TMEM229B: variants seen among roughly 807,000 people sequenced by gnomAD.
TMEM229B encodes transmembrane protein 229B.
A neutral mutation model predicts 13.7 loss-of-function variants in TMEM229B; 6 were observed. The ratio of observed to expected loss-of-function variants is 0.44; its 90% CI spans 0.24 to 0.86. The LOEUF (loss-of-function observed/expected upper bound fraction) is 0.86. Among genes scored for constraint, TMEM229B ranks in the 40% least tolerant of loss-of-function variants. The pLI, the probability that TMEM229B is intolerant of heterozygous loss-of-function variation, is 0.23. For missense variants in TMEM229B, 170 were observed against 236.0 expected (o/e 0.72, Z 1.83); for synonymous variants, 107 against 102.1 (o/e 1.05, Z -0.29).
chr14:67,494,653 C>T (rs548956047), intron 1 of TMEM229B, among the ~76,000 whole-genome samples: 1 of 152,220 alleles, frequency 6.6e-6, no homozygotes, highest in African/African-American at 2.4e-5. Context: ...TCAGCAGGTA[C>T]ATCCCACCCT....
chr14:67,520,114 T>C (rs78615263), upstream of TMEM229B, among the ~76,000 whole-genome samples: 1,207 of 152,300 alleles, frequency 7.9e-3, 20 homozygotes, highest in African/African-American at 0.028. Context: ...CACACATGCA[T>C]AGACTTCCCA....
At chr14:67,533,365 G>T (rs2140293708) in intron 1 of TMEM229B, 1 of 151,698 alleles carries the variant, frequency 6.6e-6, no homozygotes, top group Non-Finnish European at 1.5e-5. Flanking sequence ...CGTGTGCCCA[G>T]TGCGCGGCGG....
intron 1 of TMEM229B, among the ~76,000 whole-genome samples, chr14:67,507,581 T>C (rs551687150): frequency 6.6e-6 from 1 of 152,158 alleles, no homozygotes; most frequent in South Asian, 2.1e-4. Flanking sequence ...CCCAAGGAAC[T>C]GGGAGTACAG....
At chr14:67,532,987 G>A (rs1437223437) in intron 1 of TMEM229B, among the ~76,000 whole-genome samples, 3 of 152,120 alleles carry the variant, frequency 2.0e-5, no homozygotes, top group African/African-American at 4.8e-5. Flanking sequence ...CCGGCGCCCG[G>A]GACACCCCGC....
intron 1 of TMEM229B, among the ~76,000 whole-genome samples, chr14:67,487,421 C>T (rs1040479310): frequency 6.6e-6 from 1 of 152,144 alleles, no homozygotes; most frequent in Non-Finnish European, 1.5e-5. Flanking sequence ...GGGCTTCTTG[C>T]CTAAATGTGT....
chr14:67,500,462 T>C (rs954460200), intron 1 of TMEM229B, among the ~76,000 whole-genome samples: 10 of 152,086 alleles, frequency 6.6e-5, no homozygotes, highest in African/African-American at 2.4e-4. Flanking sequence ...GCAACAAGAG[T>C]GACACTCCAT....
At position 67,473,909 on chromosome 14, in the gene TMEM229B, C is replaced by T. The variant is rs2030975187; in HGVS notation, c.15G>A (p.Glu5=). 6.2e-7 allele frequency: 1 copy of T among 1,604,404 alleles called. No homozygotes were observed. Among genetic ancestry groups the T allele is most frequent in the Non-Finnish European group, 8.5e-7 (1 of 1,175,768 alleles). MASA[E]PLTALSRWYL... Reference sequence around the variant, plus strand: ...ACCAGCGGGACAGCGCCGTCAGGGGCTCGGCAGACGCCATGGCGCCGACTG... The same window carrying T: ...ACCAGCGGGACAGCGCCGTCAGGGGTTCGGCAGACGCCATGGCGCCGACTG... The change falls in exon 3 of 3, where the codon GAG becomes GAA. Residue 5 remains glutamate (E), a synonymous_variant. Transcript: ENST00000554480. This position sits in a 1 kb window ranked among gnomAD's most constrained non-coding sequence, Gnocchi z 6.5.
At chr14:67,492,791 G>A (rs1457652784), upstream of TMEM229B, among the ~76,000 whole-genome samples, 1 of 152,170 alleles carries the variant, frequency 6.6e-6, no homozygotes, top group Non-Finnish European at 1.5e-5. Flanking sequence ...TTATATTCCA[G>A]CAGTCAACAA....
rs542875059 is a variant in TMEM229B, at chr14:67,478,064, C to G, written c.-18-4123G>C. 1.4e-3 allele frequency among the ~76,000 whole-genome samples: 206 copies of G among 152,360 alleles called. 1 individual carries two copies. The highest frequency in any genetic ancestry group is 4.5e-3 in the African/African-American group (189 of 41,592). On this transcript the variant is annotated intron_variant, in intron 2 of 2. Transcript: ENST00000554480. ...TAGCAATCGCCATATAACAAATCAT[C>G]TCAAAAACCCTGGCCTAAAACAACT...
intron 1 of TMEM229B, among the ~76,000 whole-genome samples, chr14:67,495,578 A>G (rs1294169562): frequency 6.6e-6 from 1 of 151,566 alleles, no homozygotes; most frequent in East Asian, 2.0e-4. Flanking sequence ...CGCCTCCCAG[A>G]TTCAAGCGAT....
intron 2 of TMEM229B, among the ~76,000 whole-genome samples, chr14:67,485,147 G>T (rs1442689741): frequency 6.6e-6 from 1 of 152,216 alleles, no homozygotes; most frequent in East Asian, 1.9e-4. Flanking sequence ...TCCAGAAGGA[G>T]AATCACTGAA....
chr14:67,514,713 G>T (rs1279146411), intron 1 of TMEM229B, among the ~76,000 whole-genome samples: 1 of 151,764 alleles, frequency 6.6e-6, no homozygotes, highest in Non-Finnish European at 1.5e-5. Context: ...GGTGCTCTCC[G>T]CCCGGAAGAA....
intron 1 of TMEM229B, among the ~76,000 whole-genome samples, chr14:67,506,791 C>G (rs1156631623): frequency 2.0e-5 from 3 of 152,182 alleles, no homozygotes; most frequent in African/African-American, 7.2e-5. Flanking sequence ...CGAGACCATC[C>G]TGGCCAACGT....
upstream of TMEM229B, among the ~76,000 whole-genome samples, chr14:67,517,693 C>A (rs2033228404): frequency 6.6e-6 from 1 of 152,140 alleles, no homozygotes; most frequent in African/African-American, 2.4e-5. Context: ...GGGATCATTT[C>A]TTCCCAAAAA....
chr14:67,479,633 G>C (rs556411334), intron 2 of TMEM229B, among the ~76,000 whole-genome samples: 2 of 152,186 alleles, frequency 1.3e-5, no homozygotes, highest in South Asian at 4.1e-4. Flanking sequence ...CAGGAGAATC[G>C]CTTGAACCTG....
chr14:67,493,125 G>C (rs929178175), upstream of TMEM229B, among the ~76,000 whole-genome samples: 9 of 152,186 alleles, frequency 5.9e-5, no homozygotes, highest in African/African-American at 2.2e-4. Flanking sequence ...CCTGAAGTAG[G>C]AGAAAGTTAG....
rs114938624 is a variant in TMEM229B, at chr14:67,529,607, C to T, written c.-192+4029G>A. Among the ~76,000 whole-genome samples the T allele has an allele frequency of 3.2e-3, 482 of 152,300 alleles. 1 individual carries two copies. The highest frequency in any genetic ancestry group is 0.011 in the African/African-American group (453 of 41,552). On this transcript the variant is annotated intron_variant, in intron 1 of 2. Coordinates refer to the TMEM229B transcript ENST00000554278. ...ATTTAGCCACTGGGCCATTTCCTTTCCTTCCTAACTGGCCCTTCTCTGCAT... is the reference window on the plus strand; with the variant it reads ...ATTTAGCCACTGGGCCATTTCCTTTTCTTCCTAACTGGCCCTTCTCTGCAT...
chr14:67,528,622 A>G (rs2033401949), intron 1 of TMEM229B, among the ~76,000 whole-genome samples: 2 of 152,164 alleles, frequency 1.3e-5, no homozygotes, highest in Admixed American at 6.5e-5. Flanking sequence ...CCTGAGCTCC[A>G]CCAGCTCCCA....
intron 1 of TMEM229B, among the ~76,000 whole-genome samples, chr14:67,496,212 G>T (rs79191249): frequency 0.079 from 11,976 of 151,874 alleles, 556 homozygotes; most frequent in Non-Finnish European, 0.092. Context: ...TAAAAATTTT[G>T]TATCTATTTA....
Sources: gnomAD v4.1 joint callset for allele counts (sites outside exome capture counted in the v4.1 genomes callset) on GRCh38, gnomAD v4.1.1 for gene constraint, Gnocchi (gnomAD v3.1) non-coding constraint, MANE v1.5 for transcripts, NCBI Gene and HGNC (gene_info 2026-07-23, HGNC 2026-07-21) for gene names.